BTBD2: variants seen among roughly 807,000 people sequenced by gnomAD.
BTBD2 encodes BTB/POZ domain-containing protein 2.
BTBD2 carries 15 observed loss-of-function variants against 44.0 expected under a neutral mutation model. That is an observed-to-expected ratio of 0.34 (90% CI 0.23 to 0.53). The LOEUF (loss-of-function observed/expected upper bound fraction) is 0.53, where lower values mean the gene tolerates loss of function less well. Among genes scored for constraint, BTBD2 ranks in the 20% least tolerant of loss-of-function variants. BTBD2 has a pLI of 0.95. For missense variants in BTBD2, 657 were observed against 746.4 expected (o/e 0.88, Z 1.39); for synonymous variants, 443 against 335.9 (o/e 1.32, Z -3.49).
chr19:1,986,503 G>T lies in BTBD2; in HGVS notation c.1563C>A (p.Val521=). The change falls in exon 9 of 9, where the codon GTC becomes GTA. Residue 521 remains valine, a synonymous_variant. Coordinates refer to ENST00000255608, the MANE Select transcript of BTBD2 (RefSeq NM_017797.4). The part of the protein sequence containing the change: ...TSVEDGQIPE[V]IFYT Reference sequence around the variant, plus strand: ...GTCGGGCAGCCTAGGTGTAGAAGATGACCTCGGGGATCTGGCCGTCCTCCA... The same window carrying T: ...GTCGGGCAGCCTAGGTGTAGAAGATTACCTCGGGGATCTGGCCGTCCTCCA... 1 of 1,613,872 alleles carries T rather than the reference G, an allele frequency of 6.2e-7. No individual in the cohort carries two copies. Among genetic ancestry groups the T allele is most frequent in the Non-Finnish European group, 8.5e-7 (1 of 1,179,898 alleles).
chr19:1,989,856 C>G, intron 5 of BTBD2, 148 bp downstream of exon 5: 1 of 926,704 alleles, frequency 1.1e-6, no homozygotes, highest in African/African-American at 1.6e-5. Flanking sequence ...TGGACGCGTC[C>G]TCACAAGCCA....
intron 5 of BTBD2, chr19:1,989,413 G>A (rs575074500): frequency 1.3e-5 from 2 of 156,022 alleles, no homozygotes. Flanking sequence ...AGCTAAGCAA[G>A]AGCGGGGGCC....
chr19:2,005,368 T>C (rs373130985), intron 1 of BTBD2, among the ~76,000 whole-genome samples: 9 of 152,084 alleles, frequency 5.9e-5, no homozygotes, highest in African/African-American at 2.2e-4. Flanking sequence ...CAGGCTGGAG[T>C]GCAGTGCTAT....
intron 1 of BTBD2, among the ~76,000 whole-genome samples, chr19:1,997,865 C>A (rs2016272155): frequency 6.6e-6 from 1 of 152,242 alleles, no homozygotes; most frequent in Admixed American, 6.5e-5. Flanking sequence ...CGCTCATTCA[C>A]ATGCATTCAT....
In BTBD2 at chr19:1,990,094, G is replaced by C. The variant is rs1421412584; in HGVS notation, c.898C>G (p.Gln300Glu). 2 of 1,612,658 alleles carry C rather than the reference G, an allele frequency of 1.2e-6. No homozygotes were observed. The highest frequency in any genetic ancestry group is 1.7e-6 in the Non-Finnish European group (2 of 1,179,938). ...SEAECQRQQL[Q>E]VTPENRRKVL... The stretch of plus-strand genomic sequence containing the variant: ...TTCCGCCTGTTCTCTGGCGTCACCT[G>C]CAGCTGCTGCCGCTGACACTCGGCC... The change falls in exon 5 of 9, where the codon CAG (glutamine) becomes GAG (glutamate). Residue 300 changes from glutamine (Q) to glutamate (E), a missense_variant. Gln to Glu is a conservative substitution (Grantham distance 29). Coordinates refer to ENST00000255608, the MANE Select transcript of BTBD2 (RefSeq NM_017797.4).
chr19:1,999,399 G>A (rs1011270686), intron 1 of BTBD2, among the ~76,000 whole-genome samples: 7 of 152,344 alleles, frequency 4.6e-5, no homozygotes, highest in Admixed American at 4.6e-4. Flanking sequence ...GGGCACGGTG[G>A]CCCACACCCG....
intron 1 of BTBD2, among the ~76,000 whole-genome samples, chr19:2,011,901 C>T (rs10409647): frequency 1.3e-5 from 2 of 152,048 alleles, no homozygotes; most frequent in Non-Finnish European, 2.9e-5. Flanking sequence ...GTCGCCCAGG[C>T]TGGAGTGCAG....
chr19:1,987,759 C>T (rs2016113033), intron 5 of BTBD2, 67 bp from the exon 6 acceptor site: 2 of 1,426,922 alleles, frequency 1.4e-6, no homozygotes, highest in Middle Eastern at 2.0e-4. Context: ...CCTGGGAGGA[C>T]ACGCTCCTTC....
chr19:2,000,858 G>A (rs565260424), intron 1 of BTBD2, among the ~76,000 whole-genome samples: 4 of 152,216 alleles, frequency 2.6e-5, no homozygotes, highest in African/African-American at 7.2e-5. Context: ...AAACAGGAAC[G>A]AGGCTCTGAT....
intron 5 of BTBD2, 159 bp downstream of exon 5, chr19:1,989,845 G>A (rs1260510795): frequency 2.5e-6 from 2 of 795,870 alleles, no homozygotes; most frequent in Non-Finnish European, 4.0e-6. Context: ...AGATGGCCCT[G>A]TGGACGCGTC....
Position 2,004,267 on chromosome 19 carries a change from C to T in BTBD2, c.408-6804G>A, listed in dbSNP as rs1352597609. On this transcript the variant is annotated intron_variant, in intron 1 of 8. Coordinates refer to ENST00000255608, the MANE Select transcript of BTBD2 (RefSeq NM_017797.4). ...CTGAGGCTGTGTCACAGGCACACAT[C>T]CTTAATGTTGGCAAAACAAACTTTT... 2.0e-5 allele frequency among the ~76,000 whole-genome samples: 3 copies of T among 150,936 alleles called. No individual in the cohort carries two copies. In the South Asian group the frequency reaches 6.3e-4, roughly 32 times the overall value.
intron 3 of BTBD2, chr19:1,991,184 G>A (rs1165760711): frequency 4.6e-6 from 1 of 217,600 alleles, no homozygotes; most frequent in Non-Finnish European, 9.4e-6. Context: ...CAGAGGTGAG[G>A]TGGCCGGGGC....
In BTBD2 at chr19:1,997,903, T is replaced by C. The variant is rs554894488; in HGVS notation, c.408-440A>G. 3.3e-5 allele frequency among the ~76,000 whole-genome samples: 5 copies of C among 152,350 alleles called. No homozygotes were observed. In the East Asian group the frequency reaches 9.6e-4, roughly 29 times the overall value. On this transcript the variant is annotated intron_variant, in intron 1 of 8. Coordinates refer to ENST00000255608, the MANE Select transcript of BTBD2 (RefSeq NM_017797.4). ...ACACAGGCGTTCATTCACTCATTCATTCACATATTCATTCATTAACTAATT... is the reference window on the plus strand; with the variant it reads ...ACACAGGCGTTCATTCACTCATTCACTCACATATTCATTCATTAACTAATT...
intron 1 of BTBD2, among the ~76,000 whole-genome samples, chr19:2,004,916 T>C (rs1287676980): frequency 4.0e-5 from 6 of 150,918 alleles, no homozygotes; most frequent in Non-Finnish European, 7.4e-5. Context: ...GTCTCCCAAG[T>C]TCAAGCGATT....
chr19:2,004,945 G>A (rs1008759412), intron 1 of BTBD2, among the ~76,000 whole-genome samples: 6 of 151,556 alleles, frequency 4.0e-5, no homozygotes, highest in Admixed American at 6.6e-5. Flanking sequence ...TCAGCCTCCC[G>A]AGTAGCTGGG....
At position 1,986,616 on chromosome 19, in the gene BTBD2, G is replaced by T; in HGVS notation, c.1450C>A (p.Arg484Ser). 6.2e-7 allele frequency: 1 copy of T among 1,613,918 alleles called. No individual in the cohort carries two copies. The highest frequency in any genetic ancestry group is 8.5e-7 in the Non-Finnish European group (1 of 1,179,882). Residue 484 changes from arginine to serine, a missense_variant, in exon 9 of 9, where the codon CGC becomes AGC. Physicochemically the swap from Arg to Ser is moderately radical, Grantham distance 110. Around this residue, in one of 3 missense-constraint regions of BTBD2, gnomAD observed 449 missense variants for 510.9 expected, o/e 0.88. Coordinates refer to ENST00000255608, the MANE Select transcript of BTBD2 (RefSeq NM_017797.4). Reference protein sequence around the residue: ...PDSHYGTKGLRKVTHESPTTG... With the variant: ...PDSHYGTKGLSKVTHESPTTG... Reference sequence around the variant, plus strand: ...GTGGGCGACTCGTGTGTCACCTTGCGCAGGCCTTTGGTGCCGTAGTGGGAG... The same window carrying T: ...GTGGGCGACTCGTGTGTCACCTTGCTCAGGCCTTTGGTGCCGTAGTGGGAG...
In BTBD2 at chr19:2,015,541, GGGC is replaced by G. The variant is rs533915623; in HGVS notation, c.160_162del (p.Ala54del). 0.46 allele frequency: 420,900 copies of G among 905,592 alleles called. 93,036 individuals are homozygous for G. The highest frequency in any genetic ancestry group is 0.48 in the Non-Finnish European group (371,376 of 773,252). The allele number at this position is 905,592 out of a possible 1,614,324, so 56.1% of individuals were successfully genotyped here. On this transcript the variant is annotated inframe_deletion, in exon 1 of 9. Coordinates refer to ENST00000255608, the MANE Select transcript of BTBD2 (RefSeq NM_017797.4). ...GGCGGGGCGGGCGGCGTCGGCCCAG[GGGC>G]GGCGGCGGCGGCGGCGGCGGCGGCG...
At chr19:1,987,011 G>A (rs758112535) in intron 7 of BTBD2, 35 bp from the exon 8 acceptor site, 29 of 1,602,118 alleles carry the variant, frequency 1.8e-5, no homozygotes, top group East Asian at 9.0e-5. Flanking sequence ...GCTCAGGCCT[G>A]GGGAGGGCCA....
chr19:2,012,312 C>T (rs558357599), intron 1 of BTBD2, among the ~76,000 whole-genome samples: 2 of 150,462 alleles, frequency 1.3e-5, no homozygotes, highest in African/African-American at 5.0e-5. Flanking sequence ...GCCACCACGC[C>T]CGGCTAATTT....
Sources: gnomAD v4.1 joint callset for allele counts (sites outside exome capture counted in the v4.1 genomes callset) on GRCh38, gnomAD v4.1.1 for gene constraint, gnomAD v4.1.1 regional missense constraint, MANE v1.5 for transcripts, NCBI Gene and HGNC (gene_info 2026-07-23, HGNC 2026-07-21) for gene names.